NUTM2B: variants seen among roughly 807,000 people sequenced by gnomAD.
NUTM2B encodes NUT family member 2B, also known as family with sequence similarity 22, member B.
NUTM2B carries 2 observed loss-of-function variants against 42.4 expected under a neutral mutation model. That is an observed-to-expected ratio of 0.05 (90% CI 0.02 to 0.15). The LOEUF (loss-of-function observed/expected upper bound fraction) is 0.15. Among genes scored for constraint, NUTM2B ranks in the 10% least tolerant of loss-of-function variants. The pLI is 1.00. For synonymous variants in NUTM2B, 18 were observed against 402.4 expected, an observed-to-expected ratio of 0.04 and a Z score of 11.43; for missense variants, 58 against 952.6, an observed-to-expected ratio of 0.06 and a Z score of 12.36.
the NUTM2B span, among the ~76,000 whole-genome samples, chr10:79,692,401 G>T: frequency 1.1e-3 from 164 of 152,240 alleles, 1 homozygote; most frequent in Non-Finnish European, 1.8e-3. Flanking sequence ...TAAAATACTT[G>T]CCCAAGGTCA....
chr10:79,700,300 G>T (rs1236034740), upstream of NUTM2B, among the ~76,000 whole-genome samples: 3 of 151,958 alleles, frequency 2.0e-5, no homozygotes, highest in Non-Finnish European at 4.4e-5. Context: ...ACTGTTTTAC[G>T]GGGACAGGAG....
upstream of NUTM2B, among the ~76,000 whole-genome samples, chr10:79,698,865 C>T (rs1159965048): frequency 2.6e-5 from 4 of 151,856 alleles, no homozygotes; most frequent in Non-Finnish European, 4.4e-5. Flanking sequence ...TTAACTAACA[C>T]GCCACAAATA....
chr10:79,699,475 C>A (rs576934511), upstream of NUTM2B, among the ~76,000 whole-genome samples: 3 of 152,206 alleles, frequency 2.0e-5, no homozygotes, highest in Non-Finnish European at 4.4e-5. Context: ...TGGAGTCTCG[C>A]TCTGTTGCCC....
the NUTM2B span, among the ~76,000 whole-genome samples, chr10:79,695,717 G>T: frequency 6.6e-6 from 1 of 151,858 alleles, no homozygotes; most frequent in Non-Finnish European, 1.5e-5. Context: ...GAGAAGACAT[G>T]GCACATGTGA....
rs201454731 is a variant in NUTM2B at position 79,711,760 on chromosome 10, C to T, written c.1912C>T (p.Arg638Cys). ...ACAGCATGCGAGGGCAGCCCCTAGT[C>T]GTGGCACAGCCCGGTTGGACTCAAG... is the stretch of plus-strand genomic sequence containing the variant. The change falls in exon 7 of 7, where the codon CGT becomes TGT. Residue 638 changes from arginine (R) to cysteine (C), a missense_variant. Arg to Cys is a radical substitution (Grantham distance 180). Transcript: ENST00000429828. 999 of 1,611,072 alleles carry T rather than the reference C, an allele frequency of 6.2e-4. No homozygotes were observed. The African/African-American group carries it at 0.012, about 19-fold the overall frequency.
chr10:79,695,000 C>T, the NUTM2B span, among the ~76,000 whole-genome samples: 11 of 152,150 alleles, frequency 7.2e-5, no homozygotes, highest in African/African-American at 9.7e-5. Flanking sequence ...CAACCCAGGC[C>T]GGAGCGAATC....
chr10:79,694,647 C>T, the NUTM2B span, among the ~76,000 whole-genome samples: 39,523 of 151,848 alleles, frequency 0.26, 5,798 homozygotes, highest in East Asian at 0.69. Flanking sequence ...TGCCAGGCTT[C>T]GCCCACACCT....
chr10:79,699,751 A>G (rs1243488417), upstream of NUTM2B, among the ~76,000 whole-genome samples: 2 of 152,160 alleles, frequency 1.3e-5, no homozygotes, highest in Non-Finnish European at 1.5e-5. Flanking sequence ...CCCAGTTATG[A>G]CATTCTTTAA....
upstream of NUTM2B, among the ~76,000 whole-genome samples, chr10:79,700,233 T>C (rs556381298): frequency 1.1e-3 from 171 of 152,126 alleles, no homozygotes; most frequent in African/African-American, 3.9e-3. Flanking sequence ...GGCTGATCAT[T>C]CTGATCAAGT....
the NUTM2B span, among the ~76,000 whole-genome samples, chr10:79,696,403 C>T: frequency 1.3e-5 from 2 of 151,724 alleles, no homozygotes; most frequent in Admixed American, 1.3e-4. Context: ...AATCTACCTG[C>T]ACCCTGAGTA....
chr10:79,692,307 A>G, the NUTM2B span, among the ~76,000 whole-genome samples: 39,693 of 152,194 alleles, frequency 0.26, 5,856 homozygotes, highest in East Asian at 0.69. Context: ...CACTTTACAC[A>G]TATGAATGCC....
chr10:79,699,888 AC>A (rs1372430766), upstream of NUTM2B, among the ~76,000 whole-genome samples: 2 of 152,072 alleles, frequency 1.3e-5, no homozygotes, highest in African/African-American at 2.4e-5. Flanking sequence ...ACACAAAACC[AC>A]CCGCACAAAT....
the NUTM2B span, among the ~76,000 whole-genome samples, chr10:79,693,579 T>C: frequency 6.6e-6 from 1 of 152,238 alleles, no homozygotes; most frequent in African/African-American, 2.4e-5. Context: ...GCAACCTGCA[T>C]GGGAAATTTT....
the NUTM2B span, among the ~76,000 whole-genome samples, chr10:79,692,412 C>A: frequency 6.6e-6 from 1 of 152,142 alleles, no homozygotes; most frequent in African/African-American, 2.4e-5. Context: ...CCCAAGGTCA[C>A]AAAGGTCAGG....
Position 79,709,861 on chromosome 10 carries a change from C to A in NUTM2B, c.1273C>A (p.Pro425Thr). The A allele has an allele frequency of 7.9e-6, 7 of 886,430 alleles. 1 individual carries two copies. In the South Asian group the frequency reaches 1.6e-4, roughly 20 times the overall value. The allele number at this position is 886,430 out of a possible 1,614,324, so 54.9% of individuals were successfully genotyped here. The change falls in exon 4 of 7, where the codon CCC becomes ACC. Residue 425 changes from proline to threonine, a missense_variant. Physicochemically the swap from Pro to Thr is conservative, Grantham distance 38. Coordinates refer to ENST00000429828, the Ensembl canonical transcript of NUTM2B. ...TCAGAAATCGCAATGGATGAAGGGG[C>A]CCCAGTGCCTGCCTCCTCCAGCCAC...
At chr10:79,694,316 A>C in the NUTM2B span, among the ~76,000 whole-genome samples, 2 of 151,754 alleles carry the variant, frequency 1.3e-5, no homozygotes, top group Non-Finnish European at 2.9e-5. Flanking sequence ...AGAATGGCTT[A>C]GAACCCGGGA....
chr10:79,711,702 A>C (rs201762104), exon 7 of NUTM2B: 96,392 of 1,591,802 alleles, frequency 0.061, 2 homozygotes, highest in African/African-American at 0.15. Context: ...TCCCGCAGCT[A>C]GTGGAGAAGC....
chr10:79,696,551 A>C, the NUTM2B span, among the ~76,000 whole-genome samples: 1 of 151,716 alleles, frequency 6.6e-6, no homozygotes, highest in Non-Finnish European at 1.5e-5. Context: ...AAAGGAGAAC[A>C]ACCTTGCTAA....
At chr10:79,705,609 T>C (rs3871225) in intron 1 of NUTM2B, among the ~76,000 whole-genome samples, 6 of 142,320 alleles carry the variant, frequency 4.2e-5, no homozygotes, top group African/African-American at 1.3e-4. Flanking sequence ...GGCCATAATA[T>C]TCGGAAGCTT....
Sources: gnomAD v4.1 joint callset for allele counts (sites outside exome capture counted in the v4.1 genomes callset) on GRCh38, gnomAD v4.1.1 for gene constraint, MANE v1.5 for transcripts, NCBI Gene and HGNC (gene_info 2026-07-23, HGNC 2026-07-21) for gene names.